Variants in YBX3 observed in about 807,000 individuals in gnomAD.
YBX3 encodes the protein Y-box binding protein 3.
A neutral mutation model predicts 42.4 loss-of-function variants in YBX3; 29 were observed. The observed-to-expected ratio is 0.68, with a 90% CI of 0.51 to 0.93. The LOEUF (loss-of-function observed/expected upper bound fraction) is 0.93, where lower values mean the gene tolerates loss of function less well. Among genes scored for constraint, YBX3 ranks in the 40% least tolerant of loss-of-function variants. The probability of loss-of-function intolerance (pLI) is 0.00; values close to 1 mark genes in which losing one functional copy is unlikely to be tolerated. For missense variants in YBX3, 517 were observed against 527.5 expected (o/e 0.98, Z 0.19); for synonymous variants, 195 against 189.8 (o/e 1.03, Z -0.22).
Position 10,709,960 on chromosome 12 carries a change from C to T in YBX3, c.728G>A (p.Gly243Glu). 1.2e-6 allele frequency: 2 copies of T among 1,614,176 alleles called. No homozygotes were observed. Among genetic ancestry groups the T allele is most frequent in the Non-Finnish European group, 1.7e-6 (2 of 1,180,002 alleles). The change falls in exon 6 of 10, where the codon GGA becomes GAA. Residue 243 changes from glycine to glutamate, a missense_variant. By Grantham distance (98) the Gly-to-Glu change is moderately conservative. Transcript: ENST00000228251. Reference sequence around the variant, plus strand: ...CCGTGAGCGACGGTCAAAGGTCTGTCCCACGTGGTAAGGCGGGAACCGCCG... The same window carrying T: ...CCGTGAGCGACGGTCAAAGGTCTGTTCCACGTGGTAAGGCGGGAACCGCCG... Reference protein sequence around the residue: ...RQRRFPPYHVGQTFDRRSRVL... With the variant: ...RQRRFPPYHVEQTFDRRSRVL...
chr12:10,710,353 A>T, intron 5 of YBX3: 1 of 1,414,668 alleles, frequency 7.1e-7, no homozygotes, highest in Admixed American at 2.9e-5. Context: ...AAGAGCAATC[A>T]ATCTACAATC....
At chr12:10,708,288 A>G (rs1046532056) in intron 6 of YBX3, among the ~76,000 whole-genome samples, 3 of 152,058 alleles carry the variant, frequency 2.0e-5, no homozygotes, top group African/African-American at 7.2e-5. Flanking sequence ...CTTAGTGCAT[A>G]AGGCAAATAC....
intron 1 of YBX3, among the ~76,000 whole-genome samples, chr12:10,721,169 G>A (rs973254583): frequency 2.0e-5 from 3 of 152,192 alleles, no homozygotes; most frequent in Admixed American, 6.5e-5. Context: ...ACTAGACAGA[G>A]ACAAACAGTG....
intron 3 of YBX3, 69 bp downstream of exon 3, chr12:10,718,019 G>T: frequency 7.2e-7 from 1 of 1,382,866 alleles, no homozygotes; most frequent in Non-Finnish European, 1.0e-6. Flanking sequence ...TTACTTTTGG[G>T]AAAGGGCTGA....
In YBX3 at chr12:10,718,202, A is replaced by T. The variant is rs1948284874; in HGVS notation, c.327-81T>A. The T allele has an allele frequency of 1.2e-5, 15 of 1,266,242 alleles. No individual in the cohort carries two copies. In the South Asian group the frequency reaches 1.9e-4, roughly 16 times the overall value. The allele number at this position is 1,266,242 out of a possible 1,614,324, so 78.4% of individuals were successfully genotyped here. On this transcript the variant is annotated intron_variant, in intron 2 of 9. Transcript: ENST00000228251. ...AAAGAACCTATGTGTTATGAATTTA[A>T]CTCCCAAGTCCTCAAAACACAACAT... is the stretch of plus-strand genomic sequence containing the variant.
chr12:10,701,420 G>A, intron 8 of YBX3, 67 bp from the exon 9 acceptor site: 1 of 762,846 alleles, frequency 1.3e-6, no homozygotes, highest in Non-Finnish European at 2.4e-6. Flanking sequence ...AAGACTGAAA[G>A]TTCTTAAAAG....
At chr12:10,707,253 A>C (rs917911562) in intron 6 of YBX3, among the ~76,000 whole-genome samples, 1 of 151,920 alleles carries the variant, frequency 6.6e-6, no homozygotes, top group African/African-American at 2.4e-5. Context: ...CCTCTGCTTT[A>C]TTTCTTCTGC....
chr12:10,708,983 T>C lies in YBX3; in HGVS notation c.780+925A>G, dbSNP rs563556028. On this transcript the variant is annotated intron_variant, in intron 6 of 9. Coordinates refer to ENST00000228251, the MANE Select transcript of YBX3 (RefSeq NM_003651.5). ...AGAGTGCTGCCCTAAAGCTACTATG[T>C]CTCATGTACCCAATCTCTCCATATA... is the stretch of plus-strand genomic sequence containing the variant. Among the ~76,000 whole-genome samples, 11 of 152,298 alleles carry C rather than the reference T, an allele frequency of 7.2e-5. No individual in the cohort carries two copies. In the South Asian group the frequency reaches 1.9e-3, roughly 26 times the overall value.
At position 10,710,127 on chromosome 12, in the gene YBX3, AG is replaced by A; in HGVS notation, c.574-14del. 6.2e-7 allele frequency: 1 copy of A among 1,610,976 alleles called. No homozygotes were observed. Among genetic ancestry groups the A allele is most frequent in the Non-Finnish European group, 8.5e-7 (1 of 1,179,372 alleles). The stretch of plus-strand genomic sequence containing the variant: ...CCTCCCCAGCGTACTAGCGAAGCAA[AG>A]AAACAGAGATTCAGAAGAAGTTTTA... On this transcript the variant is annotated splice_polypyrimidine_tract_variant and intron_variant, in intron 5 of 9. Coordinates refer to ENST00000228251, the MANE Select transcript of YBX3 (RefSeq NM_003651.5).
At chr12:10,702,265 A>G in intron 7 of YBX3, 131 bp from the exon 8 acceptor site, 1 of 880,216 alleles carries the variant, frequency 1.1e-6, no homozygotes, top group South Asian at 2.2e-5. Context: ...TCACCCCTGT[A>G]ATCCCAGCAC....
chr12:10,701,278 G>A lies in YBX3; in HGVS notation c.*10C>T, dbSNP rs1948075479. On this transcript the variant is annotated 3_prime_UTR_variant, in exon 9 of 10. Coordinates refer to ENST00000228251, the MANE Select transcript of YBX3 (RefSeq NM_003651.5). The stretch of plus-strand genomic sequence containing the variant: ...CCTGCCGATGGTGAAGGTGCCTGAG[G>A]AGCCTGGTGTTACTCAGCACTGCTC... 3.8e-6 allele frequency: 3 copies of A among 780,200 alleles called. No homozygotes were observed. The highest frequency in any genetic ancestry group is 1.7e-5 in the African/African-American group (1 of 59,112). The allele number at this position is 780,200 out of a possible 1,614,324, so 48.3% of individuals were successfully genotyped here.
At chr12:10,716,702 C>A (rs985044135) in intron 3 of YBX3, among the ~76,000 whole-genome samples, 7 of 152,284 alleles carry the variant, frequency 4.6e-5, no homozygotes, top group African/African-American at 1.7e-4. Flanking sequence ...TCCAGCCCGT[C>A]CCCTAACTCT....
At chr12:10,700,679 T>A (rs1948068366) in intron 9 of YBX3, among the ~76,000 whole-genome samples, 1 of 152,178 alleles carries the variant, frequency 6.6e-6, no homozygotes, top group African/African-American at 2.4e-5. Flanking sequence ...CTAGTAAATA[T>A]AATTAGTATC....
In YBX3 at chr12:10,701,263, G is replaced by A. The variant is rs775777143; in HGVS notation, c.*25C>T. ...CTGCCCCAGCTCTTACCTGCCGATG[G>A]TGAAGGTGCCTGAGGAGCCTGGTGT... is the stretch of plus-strand genomic sequence containing the variant. On this transcript the variant is annotated 3_prime_UTR_variant, in exon 9 of 10. Transcript: ENST00000228251. The A allele has an allele frequency of 2.6e-6, 2 of 779,200 alleles. No individual in the cohort carries two copies. Among genetic ancestry groups the A allele is most frequent in the Non-Finnish European group, 4.8e-6 (2 of 417,840 alleles). 48.3% of individuals were successfully genotyped at this position (779,200 alleles called of 1,614,324 possible). A position where few individuals can be genotyped will look rare whatever the true frequency, so the allele number is the denominator to read the frequency against.
In YBX3 at chr12:10,723,076, G is replaced by C; in HGVS notation, c.36C>G (p.Thr12=). ...CCGTCGGAGCCTGCGGGAGGGTGGT[G>C]GTGGTGGTGGTGGTGGCCTCGCCCG... The part of the protein sequence containing the change: ...SEAGEATTTT[T]TTLPQAPTEA... The change falls in exon 1 of 10, where the codon ACC becomes ACG. Residue 12 remains threonine (T), a synonymous_variant. Coordinates refer to ENST00000228251, the MANE Select transcript of YBX3 (RefSeq NM_003651.5). The C allele has an allele frequency of 8.3e-7, 1 of 1,207,994 alleles. No individual in the cohort carries two copies. Among genetic ancestry groups the C allele is most frequent in the Non-Finnish European group, 1.0e-6 (1 of 973,904 alleles). The allele number at this position is 1,207,994 out of a possible 1,614,324, so 74.8% of individuals were successfully genotyped here. A position where few individuals can be genotyped will look rare whatever the true frequency, so the allele number is the denominator to read the frequency against.
rs192415956 is a variant in YBX3, at chr12:10,701,615, G to A, written c.1054-262C>T. On this transcript the variant is annotated intron_variant, in intron 8 of 9. Transcript: ENST00000228251. The stretch of plus-strand genomic sequence containing the variant: ...CCATATAAGAACAGCTTACAAAACG[G>A]CAACTAAATACCACTACTCTCCATA... 1.2e-3 allele frequency among the ~76,000 whole-genome samples: 187 copies of A among 151,884 alleles called. 1 individual carries two copies. Among genetic ancestry groups the A allele is most frequent in the African/African-American group, 4.2e-3 (175 of 41,404 alleles).
At chr12:10,719,559 T>C (rs1948301798) in intron 1 of YBX3, among the ~76,000 whole-genome samples, 1 of 152,184 alleles carries the variant, frequency 6.6e-6, no homozygotes, top group Admixed American at 6.6e-5. Flanking sequence ...TACTTGGAAA[T>C]ATTAGGCAAA....
Position 10,704,043 on chromosome 12 carries a change from C to A in YBX3, c.878+8G>T, listed in dbSNP as rs759580471. On this transcript the variant is annotated splice_region_variant and intron_variant, in intron 7 of 9. Transcript: ENST00000228251. ...TTTAACTGGCCATTAGTGGAAAATG[C>A]GACATACCTACGGTACCTTGGGCGG... is the stretch of plus-strand genomic sequence containing the variant. The A allele has an allele frequency of 5.9e-5, 96 of 1,613,844 alleles. 1 individual carries two copies. The East Asian group carries it at 2.0e-3, about 33-fold the overall frequency.
chr12:10,705,346 G>A (rs1293580837), intron 6 of YBX3, among the ~76,000 whole-genome samples: 1 of 152,206 alleles, frequency 6.6e-6, no homozygotes, highest in African/African-American at 2.4e-5. Context: ...ACCCACCTCA[G>A]ACTTCCAAAG....
Sources: gnomAD v4.1 joint callset for allele counts (sites outside exome capture counted in the v4.1 genomes callset) on GRCh38, gnomAD v4.1.1 for gene constraint, MANE v1.5 for transcripts, NCBI Gene and HGNC (gene_info 2026-07-23, HGNC 2026-07-21) for gene names.